C12orf42: variants seen among roughly 807,000 people sequenced by gnomAD.
C12orf42 encodes the protein chromosome 12 open reading frame 42.
In C12orf42, 25 loss-of-function variants were observed where a neutral mutation model predicts 21.6. The ratio of observed to expected loss-of-function variants is 1.16; its 90% confidence interval spans 0.84 to 1.62. The LOEUF (loss-of-function observed/expected upper bound fraction) is 1.62, where lower values mean the gene tolerates loss of function less well. Ranked by LOEUF, C12orf42 falls within the 40% of genes most tolerant of loss-of-function variation. C12orf42 has a pLI of 0.00. For missense variants in C12orf42, 483 were observed against 459.3 expected (o/e 1.05, Z -0.47); for synonymous variants, 174 against 175.0 (o/e 0.99, Z 0.05).
At chr12:103,250,056 C>CATCTATCTATCT (rs3063670) in intron 10 of C12orf42, among the ~76,000 whole-genome samples, 255 of 148,188 alleles carry the variant, frequency 1.7e-3, no homozygotes, top group South Asian at 4.2e-3. Context: ...AAATCAAAGA[C>CATCTATCTATCT]ATCTATCTAT....
chr12:103,465,877 C>T (rs996495455), intron 2 of C12orf42, among the ~76,000 whole-genome samples: 1 of 152,118 alleles, frequency 6.6e-6, no homozygotes, highest in African/African-American at 2.4e-5. Context: ...GTCTTTAGTT[C>T]TGTTTAGGTA....
chr12:103,425,633 T>A (rs1310858106), intron 2 of C12orf42, among the ~76,000 whole-genome samples: 1 of 152,106 alleles, frequency 6.6e-6, no homozygotes, highest in Non-Finnish European at 1.5e-5. Flanking sequence ...CAGAAAGGAA[T>A]AGCATCAACA....
At chr12:103,295,282 G>C (rs1396684377) in intron 4 of C12orf42, among the ~76,000 whole-genome samples, 1 of 152,058 alleles carries the variant, frequency 6.6e-6, no homozygotes, top group African/African-American at 2.4e-5. Flanking sequence ...TAGTTTTAGA[G>C]TCTTTTATAG....
the C12orf42 span, among the ~76,000 whole-genome samples, chr12:103,505,227 T>C: frequency 2.0e-5 from 3 of 152,262 alleles, no homozygotes; most frequent in South Asian, 2.1e-4. Flanking sequence ...GAGTGTGACA[T>C]TGAAGCAACT....
the C12orf42 span, among the ~76,000 whole-genome samples, chr12:103,085,565 C>T: frequency 4.7e-5 from 7 of 149,000 alleles, no homozygotes; most frequent in Non-Finnish European, 1.0e-4. Context: ...TTAGGTAAAA[C>T]GACAATTAAG....
At chr12:103,141,126 C>A in the C12orf42 span, among the ~76,000 whole-genome samples, 2 of 152,144 alleles carry the variant, frequency 1.3e-5, no homozygotes, top group African/African-American at 4.8e-5. Flanking sequence ...GATTTAGCCA[C>A]CTGTAATCTT....
chr12:103,245,587 A>C (rs997905143), intron 10 of C12orf42, among the ~76,000 whole-genome samples: 2 of 152,084 alleles, frequency 1.3e-5, no homozygotes, highest in Non-Finnish European at 1.5e-5. Context: ...GCACTTTATA[A>C]TTGATATTGA....
At chr12:103,138,412 C>T in the C12orf42 span, among the ~76,000 whole-genome samples, 2 of 152,242 alleles carry the variant, frequency 1.3e-5, no homozygotes, top group East Asian at 1.9e-4. Context: ...TTTGCTCGCT[C>T]GCTCTCTCCT....
chr12:103,182,479 G>GT, the C12orf42 span, among the ~76,000 whole-genome samples: 1 of 152,284 alleles, frequency 6.6e-6, no homozygotes, highest in East Asian at 1.9e-4. Context: ...AGAGAACAGT[G>GT]TTTACTCAGT....
chr12:103,491,958 T>TG (rs1955213917), intron 1 of C12orf42, among the ~76,000 whole-genome samples: 2 of 95,876 alleles, frequency 2.1e-5, no homozygotes, highest in African/African-American at 5.6e-5. Flanking sequence ...TTTTGTTTTT[T>TG]TTTTGTTTGT....
chr12:103,335,273 T>G (rs1002893419), intron 4 of C12orf42, among the ~76,000 whole-genome samples: 1 of 152,200 alleles, frequency 6.6e-6, no homozygotes, highest in Non-Finnish European at 1.5e-5. Context: ...GAGCCTGTGC[T>G]CAAGCAGGAT....
the C12orf42 span, among the ~76,000 whole-genome samples, chr12:103,124,674 C>T: frequency 6.6e-6 from 1 of 152,008 alleles, no homozygotes; most frequent in South Asian, 2.1e-4. Context: ...CAGAGAGGGG[C>T]CTTGGTATCA....
chr12:103,136,125 C>T, the C12orf42 span, among the ~76,000 whole-genome samples: 1 of 152,096 alleles, frequency 6.6e-6, no homozygotes, highest in African/African-American at 2.4e-5. Flanking sequence ...TTGCAGTGAA[C>T]ATAATCTTCT....
chr12:103,533,489 C>T, the C12orf42 span, among the ~76,000 whole-genome samples: 72 of 152,200 alleles, frequency 4.7e-4, no homozygotes, highest in South Asian at 3.3e-3. Flanking sequence ...GGATGACCCC[C>T]GGGTCTATGT....
At chr12:103,507,775 G>C in the C12orf42 span, among the ~76,000 whole-genome samples, 1 of 152,092 alleles carries the variant, frequency 6.6e-6, no homozygotes, top group Non-Finnish European at 1.5e-5. Flanking sequence ...CATTATATTT[G>C]AAGAGGCATC....
chr12:103,384,387 G>A lies in C12orf42; in HGVS notation c.148-15389C>T, dbSNP rs1187573533. ...TCATTCAACACAATTCAAGTGGTTT[G>A]TATACCAGGCACTACATTAAGCGGT... On this transcript the variant is annotated intron_variant, in intron 3 of 5. Transcript: ENST00000548883. 2.6e-5 allele frequency among the ~76,000 whole-genome samples: 4 copies of A among 152,182 alleles called. No homozygotes were observed. In the South Asian group the frequency reaches 8.3e-4, roughly 31 times the overall value.
the C12orf42 span, among the ~76,000 whole-genome samples, chr12:103,089,890 T>C: frequency 6.6e-6 from 1 of 152,106 alleles, no homozygotes; most frequent in African/African-American, 2.4e-5. Context: ...TTTTTGGAAT[T>C]GAAAGACAGT....
At position 103,364,773 on chromosome 12, in the gene C12orf42, C is replaced by T. The variant is rs144400079; in HGVS notation, c.259+4114G>A. Reference sequence around the variant, plus strand: ...TCCTAGAAATACACAACCCTCCTAGCTTAAATCAGGAAGAATTAGAAACCC... The same window carrying T: ...TCCTAGAAATACACAACCCTCCTAGTTTAAATCAGGAAGAATTAGAAACCC... On this transcript the variant is annotated intron_variant, in intron 4 of 5. Transcript: ENST00000548883. Among the ~76,000 whole-genome samples the T allele has an allele frequency of 6.3e-3, 952 of 152,024 alleles. 6 individuals are homozygous for T. The highest frequency in any genetic ancestry group is 0.02 in the Middle Eastern group (6 of 294).
At chr12:103,555,748 G>A in the C12orf42 span, among the ~76,000 whole-genome samples, 8 of 152,064 alleles carry the variant, frequency 5.3e-5, no homozygotes, top group Non-Finnish European at 1.0e-4. Flanking sequence ...TGTAGAACAT[G>A]CATTTCAGAA....
Sources: gnomAD v4.1 joint callset for allele counts (sites outside exome capture counted in the v4.1 genomes callset) on GRCh38, gnomAD v4.1.1 for gene constraint, MANE v1.5 for transcripts, NCBI Gene and HGNC (gene_info 2026-07-23, HGNC 2026-07-21) for gene names.